SLC35D4: variants seen among roughly 807,000 people sequenced by gnomAD.
SLC35D4 encodes UDP-N-acetylglucosamine transporter SLC35D4.
the SLC35D4 span, among the ~76,000 whole-genome samples, chr18:23,310,477 C>T: frequency 2.0e-5 from 3 of 152,110 alleles, no homozygotes; most frequent in Non-Finnish European, 4.4e-5. Flanking sequence ...CCCGCTCTGT[C>T]CACACTTGGA....
At chr18:23,311,138 G>A in the SLC35D4 span, among the ~76,000 whole-genome samples, 1 of 133,898 alleles carries the variant, frequency 7.5e-6, no homozygotes, top group Admixed American at 8.1e-5. Context: ...GTCTCGCTTT[G>A]TCGCCCAGGC....
the SLC35D4 span, among the ~76,000 whole-genome samples, chr18:23,285,136 T>C: frequency 2.6e-5 from 4 of 152,190 alleles, no homozygotes; most frequent in African/African-American, 9.7e-5. Flanking sequence ...CTTATCTCTG[T>C]GCCCCGATCC....
At chr18:23,435,224 C>T in the SLC35D4 span, among the ~76,000 whole-genome samples, 1 of 144,878 alleles carries the variant, frequency 6.9e-6, no homozygotes, top group South Asian at 2.2e-4. Flanking sequence ...GCATAAATTT[C>T]TATGAACTAA....
At chr18:23,275,961 T>C in the SLC35D4 span, among the ~76,000 whole-genome samples, 5 of 152,316 alleles carry the variant, frequency 3.3e-5, no homozygotes, top group African/African-American at 1.2e-4. Context: ...GGGGAGTTAG[T>C]GTTCAGTGGG....
chr18:23,242,526 G>A, the SLC35D4 span, among the ~76,000 whole-genome samples: 1,136 of 152,278 alleles, frequency 7.5e-3, 11 homozygotes, highest in African/African-American at 0.026. Context: ...AGCCCAGGTC[G>A]GTAGTGGGTT....
the SLC35D4 span, among the ~76,000 whole-genome samples, chr18:23,279,556 G>A: frequency 6.6e-6 from 1 of 152,008 alleles, no homozygotes; most frequent in Non-Finnish European, 1.5e-5. Context: ...GGTCCTTAAG[G>A]TGGAAACCTA....
At chr18:23,275,593 AGTGCT>A in the SLC35D4 span, among the ~76,000 whole-genome samples, 34,087 of 140,340 alleles carry the variant, frequency 0.24, 4,201 homozygotes, top group East Asian at 0.46. Flanking sequence ...GGTCAGAAAG[AGTGCT>A]GTGCTGTGCT....
chr18:23,408,816 C>CTT, the SLC35D4 span, among the ~76,000 whole-genome samples: 222 of 114,848 alleles, frequency 1.9e-3, 1 homozygote, highest in South Asian at 9.6e-3. Context: ...TCTTATCTCT[C>CTT]TTTTTTTTTT....
At chr18:23,266,406 C>CAAAAAA in the SLC35D4 span, among the ~76,000 whole-genome samples, 1 of 103,734 alleles carries the variant, frequency 9.6e-6, no homozygotes. Context: ...TAATTCTTAG[C>CAAAAAA]AAAAAAAAAA....
At chr18:23,269,903 G>A in the SLC35D4 span, among the ~76,000 whole-genome samples, 1 of 152,208 alleles carries the variant, frequency 6.6e-6, no homozygotes, top group East Asian at 1.9e-4. Context: ...AGGAAGCAGA[G>A]CAAAAAGTTT....
the SLC35D4 span, among the ~76,000 whole-genome samples, chr18:23,279,952 A>G: frequency 6.6e-6 from 1 of 152,168 alleles, no homozygotes; most frequent in Non-Finnish European, 1.5e-5. Flanking sequence ...CGATCCTCCC[A>G]CCTTGGCCTC....
chr18:23,418,986 T>A, the SLC35D4 span, among the ~76,000 whole-genome samples: 1 of 151,300 alleles, frequency 6.6e-6, no homozygotes, highest in Non-Finnish European at 1.5e-5. Flanking sequence ...CCAGCCTGGG[T>A]GACAGAGCGA....
the SLC35D4 span, among the ~76,000 whole-genome samples, chr18:23,263,443 G>T: frequency 6.6e-6 from 1 of 152,224 alleles, no homozygotes; most frequent in Non-Finnish European, 1.5e-5. Context: ...TGGGGCCCAC[G>T]TCTGAGCCCC....
chr18:23,360,413 G>A, the SLC35D4 span, among the ~76,000 whole-genome samples: 5 of 152,158 alleles, frequency 3.3e-5, no homozygotes, highest in Admixed American at 2.6e-4. Flanking sequence ...ATAAACAAAC[G>A]TGGTATATGC....
chr18:23,263,187 G>A, the SLC35D4 span, among the ~76,000 whole-genome samples: 1 of 152,240 alleles, frequency 6.6e-6, no homozygotes, highest in African/African-American at 2.4e-5. Context: ...CCAAGCACCT[G>A]TCCTGCCTCA....
the SLC35D4 span, among the ~76,000 whole-genome samples, chr18:23,308,387 A>C: frequency 2.6e-5 from 4 of 152,082 alleles, no homozygotes; most frequent in Non-Finnish European, 5.9e-5. Flanking sequence ...CATACATTCA[A>C]ACCAATGCCC....
chr18:23,401,934 A>G, the SLC35D4 span, among the ~76,000 whole-genome samples: 8 of 152,254 alleles, frequency 5.3e-5, no homozygotes, highest in Non-Finnish European at 1.2e-4. Context: ...GACTAGTAGG[A>G]CCAAACAGAC....
the SLC35D4 span, chr18:23,297,910 C>A: frequency 7.0e-7 from 1 of 1,429,638 alleles, no homozygotes; most frequent in South Asian, 1.2e-5. Context: ...CTCTTTCTGA[C>A]ACATCCAACA....
chr18:23,394,503 G>A, the SLC35D4 span, among the ~76,000 whole-genome samples: 1 of 152,020 alleles, frequency 6.6e-6, no homozygotes, highest in African/African-American at 2.4e-5. Flanking sequence ...CCTTTCTGGG[G>A]GTTGCCTTTT....
Sources: allele counts gnomAD v4.1 joint callset (sites outside exome capture counted in the v4.1 genomes callset), GRCh38; gene constraint gnomAD v4.1.1; transcripts MANE v1.5; gene names NCBI Gene and HGNC (gene_info 2026-07-23, HGNC 2026-07-21).